FREM2: variants seen among roughly 807,000 people sequenced by gnomAD.
FREM2 encodes FRAS1-related extracellular matrix protein 2.
FREM2 carries 119 observed loss-of-function variants against 219.9 expected under a neutral mutation model. That is an observed-to-expected ratio of 0.54 (90% CI 0.47 to 0.63). FREM2 has a LOEUF of 0.63. Ranked by LOEUF, FREM2 falls within the 30% of genes least tolerant of loss-of-function variation. FREM2 has a pLI of 0.00. For synonymous variants in FREM2, 1,562 were observed against 1,522.8 expected (o/e 1.03, Z -0.60); for missense variants, 4,030 against 3,993.6 (o/e 1.01, Z -0.25).
chr13:38,756,220 C>T (rs980353190), intron 2 of FREM2, among the ~76,000 whole-genome samples: 19 of 152,168 alleles, frequency 1.2e-4, no homozygotes, highest in Non-Finnish European at 2.2e-4. Flanking sequence ...AGCGCAGTTA[C>T]GTTTCCGTAA....
rs180794761 is a variant in FREM2 at position 38,733,115 on chromosome 13, G to A, written c.5264-31189G>A. Among the ~76,000 whole-genome samples, 11 of 152,290 alleles carry A rather than the reference G, an allele frequency of 7.2e-5. No individual in the cohort carries two copies. In the East Asian group the frequency reaches 2.1e-3, roughly 29 times the overall value. On this transcript the variant is annotated intron_variant, in intron 2 of 23. Transcript: ENST00000280481. Reference sequence around the variant, plus strand: ...CCATCTGCTAGAGACATCAAGTAAAGAGGAAGGATATTTTGCAGATCTATA... The same window carrying A: ...CCATCTGCTAGAGACATCAAGTAAAAAGGAAGGATATTTTGCAGATCTATA...
chr13:38,718,179 GT>G (rs1352868546), intron 2 of FREM2, among the ~76,000 whole-genome samples: 1 of 152,130 alleles, frequency 6.6e-6, no homozygotes, highest in African/African-American at 2.4e-5. Context: ...ATCTACAGTT[GT>G]TTTTAATGAT....
chr13:38,723,927 A>T (rs1871402917), intron 2 of FREM2, among the ~76,000 whole-genome samples: 1 of 152,218 alleles, frequency 6.6e-6, no homozygotes, highest in Non-Finnish European at 1.5e-5. Flanking sequence ...GCTCAAGGTC[A>T]TACAGTAAGT....
chr13:38,880,900 CT>C lies in FREM2; in HGVS notation c.*115del. On this transcript the variant is annotated 3_prime_UTR_variant, in exon 24 of 24. Transcript: ENST00000280481. ...ATGGAGGATGGCTGTGATGAAGCTG[CT>C]TAGAGAATATGACTGTACTAATGGA... 1 of 1,224,002 alleles carries C rather than the reference CT, an allele frequency of 8.2e-7. No homozygotes were observed. The highest frequency in any genetic ancestry group is 1.2e-6 in the Non-Finnish European group (1 of 847,598). The allele number at this position is 1,224,002 out of a possible 1,614,324, so 75.8% of individuals were successfully genotyped here.
At chr13:38,763,238 TA>T (rs1419590670) in intron 2 of FREM2, among the ~76,000 whole-genome samples, 2 of 152,210 alleles carry the variant, frequency 1.3e-5, no homozygotes, top group Non-Finnish European at 2.9e-5. Flanking sequence ...TAGTACCTGT[TA>T]AGTTGATAGC....
At chr13:38,739,658 C>A (rs151285296) in intron 2 of FREM2, among the ~76,000 whole-genome samples, 1 of 152,138 alleles carries the variant, frequency 6.6e-6, no homozygotes, top group African/African-American at 2.4e-5. Flanking sequence ...CTGGCTCTTT[C>A]GTGGTCACTA....
chr13:38,742,001 G>A (rs993610938), intron 2 of FREM2, among the ~76,000 whole-genome samples: 4 of 152,188 alleles, frequency 2.6e-5, no homozygotes, highest in East Asian at 1.9e-4. Context: ...AGTAAACAAC[G>A]GAACATGTGT....
At chr13:38,852,502 CATG>C (rs1055156723) in intron 11 of FREM2, among the ~76,000 whole-genome samples, 135 of 152,194 alleles carry the variant, frequency 8.9e-4, no homozygotes, top group African/African-American at 2.9e-3. Flanking sequence ...TTGCAATATG[CATG>C]ATAACTGTGA....
chr13:38,720,253 C>T (rs190814381), intron 2 of FREM2, among the ~76,000 whole-genome samples: 1 of 152,290 alleles, frequency 6.6e-6, no homozygotes, highest in Non-Finnish European at 1.5e-5. Flanking sequence ...ATCGTATTTA[C>T]TACTATCTTA....
chr13:38,852,128 C>T (rs996478160), intron 11 of FREM2, among the ~76,000 whole-genome samples: 2 of 152,112 alleles, frequency 1.3e-5, no homozygotes, highest in Admixed American at 6.6e-5. Flanking sequence ...ATACCCACCT[C>T]CTGCCACTCC....
At chr13:38,845,315 A>G (rs1877109517) in intron 6 of FREM2, among the ~76,000 whole-genome samples, 1 of 152,202 alleles carries the variant, frequency 6.6e-6, no homozygotes, top group Non-Finnish European at 1.5e-5. Flanking sequence ...ATTGTTGTAG[A>G]GTTTTGCTTA....
At chr13:38,845,059 G>A (rs1299126401) in intron 6 of FREM2, among the ~76,000 whole-genome samples, 1 of 150,002 alleles carries the variant, frequency 6.7e-6, no homozygotes, top group East Asian at 1.9e-4. Context: ...CTATGTTATA[G>A]GGACATTTAT....
intron 6 of FREM2, among the ~76,000 whole-genome samples, chr13:38,813,387 C>T (rs1295952572): frequency 3.3e-5 from 5 of 150,408 alleles, no homozygotes; most frequent in African/African-American, 1.2e-4. Flanking sequence ...TGTCATACCC[C>T]TCTCTCCTGT....
In FREM2 at chr13:38,883,723, G is replaced by A. The variant is rs1350851136; in HGVS notation, c.*2936G>A. 2 of 152,108 alleles carry A rather than the reference G, an allele frequency of 1.3e-5. No individual in the cohort carries two copies. The highest frequency in any genetic ancestry group is 2.1e-4 in the South Asian group (1 of 4,826). The allele number at this position is 152,108 out of a possible 1,614,324, so 9.4% of individuals were successfully genotyped here. The stretch of plus-strand genomic sequence containing the variant: ...TGCAGCTCTTTATTTGGACTAAAGT[G>A]TCAGGATATGCATTAGATTCTCTCC... On this transcript the variant is annotated 3_prime_UTR_variant, in exon 24 of 24. Coordinates refer to ENST00000280481, the MANE Select transcript of FREM2 (RefSeq NM_207361.6).
intron 6 of FREM2, among the ~76,000 whole-genome samples, chr13:38,803,216 T>G (rs1436738659): frequency 6.6e-6 from 1 of 152,208 alleles, no homozygotes; most frequent in Non-Finnish European, 1.5e-5. Context: ...AATAAAATTA[T>G]GAAATTATGT....
At chr13:38,743,910 A>ATT (rs1419039622) in intron 2 of FREM2, among the ~76,000 whole-genome samples, 1 of 152,186 alleles carries the variant, frequency 6.6e-6, no homozygotes, top group African/African-American at 2.4e-5. Flanking sequence ...CTATGTATAC[A>ATT]TTATATATAT....
chr13:38,729,062 C>G (rs750819144), intron 2 of FREM2, among the ~76,000 whole-genome samples: 1 of 152,108 alleles, frequency 6.6e-6, no homozygotes, highest in Non-Finnish European at 1.5e-5. Context: ...CTTGAACTCC[C>G]GACCTCAGGT....
Position 38,846,593 on chromosome 13 carries a change from G to C in FREM2, c.6040G>C (p.Asp2014His). Residue 2014 changes from aspartate (D) to histidine (H), a missense_variant, in exon 7 of 24, where the codon GAT (aspartate) becomes CAT (histidine). Transcript: ENST00000280481. Reference sequence around the variant, plus strand: ...AACAGAACCCATCTTTTACTTCGGTGATGTGGAATACTCTGTGGATGAGAG... The same window carrying C: ...AACAGAACCCATCTTTTACTTCGGTCATGTGGAATACTCTGTGGATGAGAG... ...KDDEPIFYFG[D>H]VEYSVDESAG... is the part of the protein sequence containing the mutation. 6.2e-7 allele frequency: 1 copy of C among 1,613,704 alleles called. No homozygotes were observed. Among genetic ancestry groups the C allele is most frequent in the Non-Finnish European group, 8.5e-7 (1 of 1,179,764 alleles).
intron 6 of FREM2, among the ~76,000 whole-genome samples, chr13:38,839,348 G>A (rs1876848262): frequency 1.3e-5 from 2 of 152,282 alleles, no homozygotes; most frequent in East Asian, 1.9e-4. Context: ...CATCCCAGAG[G>A]GGCACCCGCC....
Sources: allele counts gnomAD v4.1 joint callset (sites outside exome capture counted in the v4.1 genomes callset), GRCh38; gene constraint gnomAD v4.1.1; transcripts MANE v1.5; gene names NCBI Gene and HGNC (gene_info 2026-07-23, HGNC 2026-07-21).